The following EYS variants were observed in gnomAD, a reference collection of about 807,000 sequenced individuals.
The protein encoded by EYS is protein eyes shut homolog.
A neutral mutation model predicts 282.1 loss-of-function variants in EYS; 250 were observed. That is an observed-to-expected ratio of 0.89 (90% CI 0.80 to 0.98). EYS has a LOEUF of 0.98. Among genes scored for constraint, EYS ranks in the 50% least tolerant of loss-of-function variants. EYS has a pLI of 0.00. For missense variants in EYS, 4,016 were observed against 3,709.0 expected (o/e 1.08, Z -2.15); for synonymous variants, 1,355 against 1,282.9 (o/e 1.06, Z -1.20).
At chr6:63,975,330 TCTACAGC>T (rs1562127059) in intron 35 of EYS, among the ~76,000 whole-genome samples, 9 of 151,954 alleles carry the variant, frequency 5.9e-5, no homozygotes, top group Non-Finnish European at 2.9e-5. Flanking sequence ...CAAAAGAGGC[TCTACAGC>T]ACTCATAGTA....
At chr6:65,180,920 G>A (rs1164869795) in intron 12 of EYS, among the ~76,000 whole-genome samples, 1 of 152,092 alleles carries the variant, frequency 6.6e-6, no homozygotes, top group African/African-American at 2.4e-5. Flanking sequence ...ACAACCATGT[G>A]ATCTTTGACA....
chr6:65,650,448 T>C (rs970962811), intron 1 of EYS, among the ~76,000 whole-genome samples: 5 of 152,188 alleles, frequency 3.3e-5, no homozygotes, highest in African/African-American at 1.2e-4. Flanking sequence ...ATATTTATTT[T>C]ATTTCATTTT....
intron 33 of EYS, among the ~76,000 whole-genome samples, chr6:64,040,310 G>A (rs1363320344): frequency 6.6e-6 from 1 of 152,132 alleles, no homozygotes. Context: ...TGCTATGGGG[G>A]TGGTGGTGAA....
chr6:64,997,867 T>G (rs1771325357), intron 13 of EYS, among the ~76,000 whole-genome samples, 164 bp from the exon 14 acceptor site: 1 of 152,148 alleles, frequency 6.6e-6, no homozygotes, highest in Admixed American at 6.5e-5. Flanking sequence ...CAATATTTTC[T>G]AAATAACCAT....
At chr6:65,233,914 G>A (rs1766854290) in intron 12 of EYS, among the ~76,000 whole-genome samples, 1 of 152,112 alleles carries the variant, frequency 6.6e-6, no homozygotes, top group Non-Finnish European at 1.5e-5. Flanking sequence ...GATTGCTCCT[G>A]AGTGAGGGCA....
chr6:64,640,974 T>C (rs2149870624), intron 22 of EYS, among the ~76,000 whole-genome samples: 1 of 152,286 alleles, frequency 6.6e-6, no homozygotes, highest in South Asian at 2.1e-4. Flanking sequence ...TTCTACTTTA[T>C]ACAAAATATT....
chr6:64,643,122 C>CCCA (rs1554188072), intron 22 of EYS, among the ~76,000 whole-genome samples: 1 of 146,810 alleles, frequency 6.8e-6, no homozygotes, highest in Non-Finnish European at 1.5e-5. Context: ...TCCCCCCCCC[C>CCCA]AAAAAAAAAC....
chr6:65,409,491 A>C (rs2150368554), intron 5 of EYS, among the ~76,000 whole-genome samples: 1 of 152,316 alleles, frequency 6.6e-6, no homozygotes. Flanking sequence ...TTTGAAAACA[A>C]ATTTTACTCT....
At chr6:65,372,152 A>G (rs1348644348) in intron 8 of EYS, among the ~76,000 whole-genome samples, 1 of 152,000 alleles carries the variant, frequency 6.6e-6, no homozygotes, top group Non-Finnish European at 1.5e-5. Context: ...ATAAGATAAA[A>G]CATAAACAGA....
At chr6:64,672,509 T>A (rs373526666) in intron 22 of EYS, among the ~76,000 whole-genome samples, 1 of 152,166 alleles carries the variant, frequency 6.6e-6, no homozygotes, top group Non-Finnish European at 1.5e-5. Context: ...ATAAAAGAAA[T>A]AGCAGAGAGA....
intron 19 of EYS, among the ~76,000 whole-genome samples, chr6:64,839,599 C>T (rs1407036356): frequency 1.3e-5 from 2 of 151,872 alleles, no homozygotes; most frequent in Non-Finnish European, 2.9e-5. Context: ...ACTGTCTTAG[C>T]CTGTTTGTAT....
intron 24 of EYS, among the ~76,000 whole-genome samples, chr6:64,594,239 G>A (rs1022696260): frequency 6.6e-6 from 1 of 152,078 alleles, no homozygotes; most frequent in Non-Finnish European, 1.5e-5. Flanking sequence ...TCGCAACAAA[G>A]AAAAGCCCAG....
At chr6:64,246,498 T>C (rs1265463639) in intron 30 of EYS, among the ~76,000 whole-genome samples, 1 of 152,174 alleles carries the variant, frequency 6.6e-6, no homozygotes, top group East Asian at 1.9e-4. Context: ...GTGTTTTCTA[T>C]AGATTCTAGA....
At chr6:64,707,419 C>T (rs1342320606) in intron 22 of EYS, among the ~76,000 whole-genome samples, 1 of 151,990 alleles carries the variant, frequency 6.6e-6, no homozygotes, top group Non-Finnish European at 1.5e-5. Context: ...CCTGTAATCC[C>T]AGCACTTTGG....
chr6:64,743,235 T>A (rs1772433845), intron 22 of EYS, among the ~76,000 whole-genome samples: 6 of 152,090 alleles, frequency 3.9e-5, no homozygotes, highest in Admixed American at 3.9e-4. Context: ...AGTCTATAAT[T>A]TTTTTGAACC....
At chr6:64,404,320 A>G (rs749980077) in intron 28 of EYS, among the ~76,000 whole-genome samples, 3 of 152,180 alleles carry the variant, frequency 2.0e-5, no homozygotes, top group Non-Finnish European at 4.4e-5. Context: ...TTAATTTCAG[A>G]AACACACAAA....
intron 24 of EYS, among the ~76,000 whole-genome samples, chr6:64,595,576 C>A (rs1030487759): frequency 1.1e-4 from 16 of 152,110 alleles, no homozygotes; most frequent in Non-Finnish European, 2.9e-5. Flanking sequence ...AGCTGATGAA[C>A]AAATTCAGTG....
At chr6:64,860,074 CTG>C (rs1438167493) in intron 19 of EYS, among the ~76,000 whole-genome samples, 1 of 151,900 alleles carries the variant, frequency 6.6e-6, no homozygotes, top group Non-Finnish European at 1.5e-5. Context: ...TCCCTTTTTT[CTG>C]TGTCTTCTGG....
intron 12 of EYS, among the ~76,000 whole-genome samples, chr6:65,293,701 A>G (rs34309623): frequency 0.16 from 24,355 of 151,770 alleles, 2,338 homozygotes; most frequent in Non-Finnish European, 0.22. Context: ...TGGACGCTAG[A>G]GCTACCAACT....
Sources: gnomAD v4.1 joint callset for allele counts (sites outside exome capture counted in the v4.1 genomes callset) on GRCh38, gnomAD v4.1.1 for gene constraint, MANE v1.5 for transcripts, NCBI Gene and HGNC (gene_info 2026-07-23, HGNC 2026-07-21) for gene names.